PKP2: variants seen among roughly 807,000 people sequenced by gnomAD.
PKP2 encodes plakophilin-2.
A neutral mutation model predicts 83.4 loss-of-function variants in PKP2; 73 were observed. That is an observed-to-expected ratio of 0.88 (90% CI 0.72 to 1.06). The LOEUF (loss-of-function observed/expected upper bound fraction) is 1.06. PKP2 is among the 50% of genes least tolerant of loss of function. The pLI is 0.00. For missense variants in PKP2, 966 were observed against 1,065.4 expected (o/e 0.91, Z 1.30); for synonymous variants, 409 against 430.4 (o/e 0.95, Z 0.62).
Position 32,834,976 on chromosome 12 carries a change from C to CGTGTGTGTGTGTGT in PKP2, c.1556+6038_1556+6051dup, listed in dbSNP as rs10629969. Among the ~76,000 whole-genome samples the CGTGTGTGTGTGTGT allele has an allele frequency of 1.1e-3, 134 of 119,434 alleles. 4 individuals carry two copies. Among genetic ancestry groups the CGTGTGTGTGTGTGT allele is most frequent in the Non-Finnish European group, 1.3e-3 (78 of 60,326 alleles). 78.4% of individuals were successfully genotyped at this position (119,434 alleles called of 152,430 possible). ...AAAAAAAAAAGGGACTCACAATAGG[C>CGTGTGTGTGTGTGT]GTGTGTGTGTGTGTGTGTGTGTGTG... On this transcript the variant is annotated intron_variant, in intron 6 of 12. Coordinates refer to ENST00000340811, the MANE Select transcript of PKP2 (RefSeq NM_001005242.3).
At chr12:32,802,235 A>G (rs2137724657) in intron 10 of PKP2, among the ~76,000 whole-genome samples, 168 bp downstream of exon 10, 1 of 152,202 alleles carries the variant, frequency 6.6e-6, no homozygotes, top group East Asian at 1.9e-4. Flanking sequence ...ATCCACTGAG[A>G]AAGCCTGTTT....
At chr12:32,842,311 C>T (rs371549027) in intron 5 of PKP2, among the ~76,000 whole-genome samples, 16 of 152,168 alleles carry the variant, frequency 1.1e-4, no homozygotes, top group African/African-American at 3.4e-4. Flanking sequence ...GGCTTGATCT[C>T]GGTTCATTGC....
At chr12:32,834,241 A>G (rs1480820344) in intron 6 of PKP2, among the ~76,000 whole-genome samples, 2 of 152,204 alleles carry the variant, frequency 1.3e-5, no homozygotes, top group Admixed American at 6.5e-5. Context: ...AATAGGTCCC[A>G]TTCCCTTTTG....
intron 4 of PKP2, among the ~76,000 whole-genome samples, chr12:32,866,550 CAAAAAAAA>C (rs56079220): frequency 8.3e-5 from 3 of 36,206 alleles, no homozygotes; most frequent in Non-Finnish European, 1.3e-4. Flanking sequence ...GATCCTTTCT[CAAAAAAAA>C]AAAAAAAAAA....
At chr12:32,889,090 A>C (rs1957055930) in intron 1 of PKP2, among the ~76,000 whole-genome samples, 1 of 152,122 alleles carries the variant, frequency 6.6e-6, no homozygotes, top group South Asian at 2.1e-4. Context: ...AGATCAGAGG[A>C]GAGGGGTGAA....
chr12:32,813,609 T>C (rs965579231), intron 9 of PKP2, among the ~76,000 whole-genome samples: 2 of 151,988 alleles, frequency 1.3e-5, no homozygotes, highest in African/African-American at 2.4e-5. Flanking sequence ...TGAGACCCTG[T>C]CTCTACAAAT....
At chr12:32,882,024 G>A (rs545927168) in intron 1 of PKP2, among the ~76,000 whole-genome samples, 1 of 152,266 alleles carries the variant, frequency 6.6e-6, no homozygotes, top group South Asian at 2.1e-4. Flanking sequence ...ATGCAGAAAG[G>A]GGAAGGGTTC....
At chr12:32,844,048 G>A (rs1956624775) in intron 5 of PKP2, among the ~76,000 whole-genome samples, 1 of 152,122 alleles carries the variant, frequency 6.6e-6, no homozygotes, top group African/African-American at 2.4e-5. Flanking sequence ...AAACCAGAGA[G>A]GATTAATTGG....
At chr12:32,841,362 A>G (rs1956590669) in intron 5 of PKP2, among the ~76,000 whole-genome samples, 157 bp from the exon 6 acceptor site, 1 of 152,178 alleles carries the variant, frequency 6.6e-6, no homozygotes, top group Non-Finnish European at 1.5e-5. Flanking sequence ...GAAGAACCCA[A>G]TTAGAACTCA....
Position 32,820,825 on chromosome 12 carries a change from C to T in PKP2, c.2013+531G>A, listed in dbSNP as rs77222610. On this transcript the variant is annotated intron_variant, in intron 9 of 12. Coordinates refer to ENST00000340811, the MANE Select transcript of PKP2 (RefSeq NM_001005242.3). ...AAATGGGCAAGAGGCCCAAGCCAGC[C>T]CGTGAGACATATTCTCCAACTTCTT... The T allele has an allele frequency of 5.6e-3, 973 of 174,548 alleles. 6 individuals carry two copies. Among genetic ancestry groups the T allele is most frequent in the Non-Finnish European group, 8.3e-3 (674 of 81,550 alleles). The allele number at this position is 174,548 out of a possible 1,614,324, so 10.8% of individuals were successfully genotyped here. A position where few individuals can be genotyped will look rare whatever the true frequency, so the allele number is the denominator to read the frequency against.
Position 32,791,394 on chromosome 12 carries a change from A to C in PKP2, c.*1030T>G, listed in dbSNP as rs1956064346. 6.6e-6 allele frequency: 1 copy of C among 152,212 alleles called. No homozygotes were observed. Among genetic ancestry groups the C allele is most frequent in the Admixed American group, 6.5e-5 (1 of 15,280 alleles). 9.4% of individuals were successfully genotyped at this position (152,212 alleles called of 1,614,324 possible). A position where few individuals can be genotyped will look rare whatever the true frequency, so the allele number is the denominator to read the frequency against. On this transcript the variant is annotated 3_prime_UTR_variant, in exon 13 of 13. Coordinates refer to ENST00000340811, the MANE Select transcript of PKP2 (RefSeq NM_001005242.3). ...CTAGTGGCTCTGTGATATTTCTTAA[A>C]TGGTGGGCAAGGCTGGGCTGGCTGA...
At chr12:32,795,570 A>G (rs1956112924) in intron 11 of PKP2, among the ~76,000 whole-genome samples, 1 of 152,116 alleles carries the variant, frequency 6.6e-6, no homozygotes, top group African/African-American at 2.4e-5. Flanking sequence ...TACTAGAGAC[A>G]GGGTTTTGCC....
At chr12:32,858,084 A>AAAAAAT (rs1233128620) in intron 4 of PKP2, among the ~76,000 whole-genome samples, 2 of 67,026 alleles carry the variant, frequency 3.0e-5, no homozygotes, top group Admixed American at 2.4e-4. Context: ...AAAAAAAAAA[A>AAAAAAT]ATATATATAT....
chr12:32,833,602 T>C (rs1956520024), intron 6 of PKP2, among the ~76,000 whole-genome samples: 3 of 152,138 alleles, frequency 2.0e-5, no homozygotes, highest in African/African-American at 7.2e-5. Context: ...TAAGAGACAA[T>C]GAAAATTTCT....
intron 6 of PKP2, among the ~76,000 whole-genome samples, chr12:32,835,104 A>G (rs1185247130): frequency 6.8e-6 from 1 of 147,440 alleles, no homozygotes; most frequent in Admixed American, 6.9e-5. Flanking sequence ...CCCGGACTGG[A>G]GTGCAGTGGC....
Position 32,896,687 on chromosome 12 carries a change from G to A in PKP2, c.45C>T (p.Thr15=), listed in dbSNP as rs759214983. ...GAPAEYGYIR[T]VLGQQILGQL... is the part of the protein sequence containing the mutation. The stretch of plus-strand genomic sequence containing the variant: ...GTCCCAGGATCTGCTGGCCCAGGAC[G>A]GTCCGGATGTAGCCGTACTCAGCTG... The change falls in exon 1 of 13, where the codon ACC becomes ACT. Residue 15 remains threonine (T), a synonymous_variant. Transcript: ENST00000340811. The A allele has an allele frequency of 1.2e-4, 184 of 1,534,876 alleles. No individual in the cohort carries two copies. The highest frequency in any genetic ancestry group is 4.0e-4 in the Admixed American group (21 of 52,108).
Position 32,891,246 on chromosome 12 carries a change from A to G in PKP2, c.223+5263T>C, listed in dbSNP as rs557499551. Among the ~76,000 whole-genome samples the G allele has an allele frequency of 3.9e-5, 6 of 152,302 alleles. 1 individual carries two copies. Among genetic ancestry groups the G allele is most frequent in the African/African-American group, 1.4e-4 (6 of 41,568 alleles). Reference sequence around the variant, plus strand: ...TTTGTCTCAGAATTGTATAATTTAAACTTGTTGAATGTCATCTGAGATGGA... The same window carrying G: ...TTTGTCTCAGAATTGTATAATTTAAGCTTGTTGAATGTCATCTGAGATGGA... On this transcript the variant is annotated intron_variant, in intron 1 of 12. Coordinates refer to ENST00000340811, the MANE Select transcript of PKP2 (RefSeq NM_001005242.3).
intron 1 of PKP2, among the ~76,000 whole-genome samples, chr12:32,887,088 T>C (rs1228664671): frequency 6.6e-6 from 1 of 152,210 alleles, no homozygotes; most frequent in African/African-American, 2.4e-5. Flanking sequence ...TATTGAAAAT[T>C]TAACCAATAG....
intron 5 of PKP2, among the ~76,000 whole-genome samples, chr12:32,845,796 G>T (rs1592748565): frequency 6.6e-6 from 1 of 151,866 alleles, no homozygotes; most frequent in Admixed American, 6.6e-5. Flanking sequence ...AGAGTGGGAG[G>T]AATTTTTTTT....
Sources: gnomAD v4.1 joint callset for allele counts (sites outside exome capture counted in the v4.1 genomes callset) on GRCh38, gnomAD v4.1.1 for gene constraint, MANE v1.5 for transcripts, NCBI Gene and HGNC (gene_info 2026-07-23, HGNC 2026-07-21) for gene names.